The following SYNE1 variants were observed in gnomAD, a reference collection of about 807,000 sequenced individuals.
The protein encoded by SYNE1 is spectrin repeat containing nuclear envelope protein 1.
In SYNE1, 616 loss-of-function variants were observed where a neutral mutation model predicts 1,111.0. The ratio of observed to expected loss-of-function variants is 0.55; its 90% CI spans 0.52 to 0.59. The LOEUF (loss-of-function observed/expected upper bound fraction) is 0.59. SYNE1 is among the 20% of genes least tolerant of loss of function. SYNE1 has a pLI of 0.00. For missense variants in SYNE1, 10,006 were observed against 10,417.0 expected (o/e 0.96, Z 1.72); for synonymous variants, 3,855 against 3,825.8 (o/e 1.01, Z -0.28).
Position 152,156,059 on chromosome 6 carries a change from A to G in SYNE1, c.23829T>C (p.Val7943=). The change falls in exon 132 of 146, where the codon GTT becomes GTC. Residue 7943 remains valine, a synonymous_variant. Coordinates refer to ENST00000367255, the MANE Select transcript of SYNE1 (RefSeq NM_182961.4). The part of the protein sequence containing the change: ...QRDIEKHSTG[V]ASVLNLCEVL... Reference sequence around the variant, plus strand: ...CTTCACACAGGTTGAGGACAGATGCAACACCTGTACTGTGCTTCTCTATGT... The same window carrying G: ...CTTCACACAGGTTGAGGACAGATGCGACACCTGTACTGTGCTTCTCTATGT... 1 of 1,614,214 alleles carries G rather than the reference A, an allele frequency of 6.2e-7. No homozygotes were observed. The highest frequency in any genetic ancestry group is 1.3e-5 in the African/African-American group (1 of 75,066).
intron 3 of SYNE1, among the ~76,000 whole-genome samples, chr6:152,623,146 A>G (rs2099679198): frequency 6.6e-6 from 1 of 152,122 alleles, no homozygotes; most frequent in Non-Finnish European, 1.5e-5. Context: ...TGGTACAAAA[A>G]CAGACACATA....
chr6:152,282,043 A>G, intron 96 of SYNE1, 63 bp from the exon 97 acceptor site: 4 of 1,552,426 alleles, frequency 2.6e-6, no homozygotes, highest in Non-Finnish European at 2.6e-6. Context: ...AATTTAACAC[A>G]GTAAAGCAAT....
At chr6:152,427,334 C>T (rs1483692252) in intron 38 of SYNE1, among the ~76,000 whole-genome samples, 1 of 152,168 alleles carries the variant, frequency 6.6e-6, no homozygotes, top group Non-Finnish European at 1.5e-5. Flanking sequence ...GAGATTATAC[C>T]TATTTCCAGC....
At chr6:152,204,306 CA>C (rs2076082138) in intron 126 of SYNE1, among the ~76,000 whole-genome samples, 1 of 147,198 alleles carries the variant, frequency 6.8e-6, no homozygotes, top group Non-Finnish European at 1.5e-5. Flanking sequence ...GTGGAGGTTG[CA>C]ATTAGCCAAG....
chr6:152,283,767 C>G (rs1223362199), intron 96 of SYNE1, among the ~76,000 whole-genome samples: 1 of 152,114 alleles, frequency 6.6e-6, no homozygotes, highest in Non-Finnish European at 1.5e-5. Context: ...AAACTCCTGA[C>G]CTCGTGATTC....
At chr6:152,417,163 TCACAA>T in intron 40 of SYNE1, 148 bp from the exon 41 acceptor site, 2 of 1,220,426 alleles carry the variant, frequency 1.6e-6, no homozygotes, top group Non-Finnish European at 2.3e-6. Flanking sequence ...CTTAGAAAAT[TCACAA>T]AATTTTCTGT....
intron 18 of SYNE1, among the ~76,000 whole-genome samples, chr6:152,463,744 A>C (rs935965358): frequency 1.3e-5 from 2 of 152,206 alleles, no homozygotes; most frequent in Non-Finnish European, 2.9e-5. Context: ...TTTGCCGAAG[A>C]CAAAACAAAA....
At chr6:152,189,217 C>A (rs768150353) in intron 128 of SYNE1, 35 bp downstream of exon 128, 1 of 1,610,738 alleles carries the variant, frequency 6.2e-7, no homozygotes, top group Non-Finnish European at 8.5e-7. Context: ...AATTTTCCAT[C>A]ATCAAGATAA....
At chr6:152,526,047 T>A (rs755296256) in intron 5 of SYNE1, 33 bp downstream of exon 5, 11 of 1,595,544 alleles carry the variant, frequency 6.9e-6, no homozygotes, top group Non-Finnish European at 9.5e-6. Context: ...TGGAAACAAT[T>A]TGACAAGTAT....
intron 3 of SYNE1, among the ~76,000 whole-genome samples, chr6:152,607,671 T>A (rs1310722344): frequency 6.6e-6 from 1 of 152,106 alleles, no homozygotes; most frequent in Non-Finnish European, 1.5e-5. Flanking sequence ...GACCCAACAA[T>A]CCCATTACTG....
At position 152,221,432 on chromosome 6, in the gene SYNE1, T is replaced by C. The variant is rs1281391865; in HGVS notation, c.21650A>G (p.Asn7217Ser). 1.2e-6 allele frequency: 2 copies of C among 1,613,980 alleles called. No homozygotes were observed. Among genetic ancestry groups the C allele is most frequent in the Non-Finnish European group, 1.7e-6 (2 of 1,179,908 alleles). The change falls in exon 118 of 146, where the codon AAC (asparagine) becomes AGC (serine). Residue 7217 changes from asparagine (N) to serine (S), a missense_variant. Asn to Ser is a conservative substitution (Grantham distance 46). This residue lies in a region of SYNE1 where 2,182 missense variants were observed against 2,287.8 expected (regional missense o/e 0.95). Coordinates refer to ENST00000367255, the MANE Select transcript of SYNE1 (RefSeq NM_182961.4). ...ETLTNTLKEVNMRWNNLLEEI... is the reference protein window; with the variant it reads ...ETLTNTLKEVSMRWNNLLEEI... ...AAGTTAACATACTCCATACCTCATG[T>C]TGACTTCTTTCAGTGTATTGGTAAG... is the stretch of plus-strand genomic sequence containing the variant.
chr6:152,299,397 G>A (rs1048374030), intron 93 of SYNE1, among the ~76,000 whole-genome samples: 6 of 152,046 alleles, frequency 3.9e-5, no homozygotes, highest in Admixed American at 1.3e-4. Flanking sequence ...AATTCCCCAC[G>A]GCTCCCTGAA....
intron 40 of SYNE1, 25 bp downstream of exon 40, chr6:152,419,544 C>T (rs762398116): frequency 4.1e-6 from 6 of 1,450,042 alleles, no homozygotes; most frequent in Non-Finnish European, 5.6e-6. Flanking sequence ...CTTCTTCAAT[C>T]TTAAAAAAAA....
rs779781434 is a variant in SYNE1 at position 152,376,570 on chromosome 6, A to T, written c.9147-12T>A. On this transcript the variant is annotated splice_polypyrimidine_tract_variant and intron_variant, in intron 57 of 145. Transcript: ENST00000367255. ...CTTGCAAACAAAGACTGAAAAGGTG[A>T]CGCAAAAATTTAATGGCAGGAAAAA... The T allele has an allele frequency of 1.2e-6, 2 of 1,613,662 alleles. No individual in the cohort carries two copies. The highest frequency in any genetic ancestry group is 1.7e-6 in the Non-Finnish European group (2 of 1,179,996).
At chr6:152,167,282 A>C (rs1267281127) in intron 130 of SYNE1, among the ~76,000 whole-genome samples, 2 of 152,218 alleles carry the variant, frequency 1.3e-5, no homozygotes, top group Non-Finnish European at 2.9e-5. Context: ...ATGCTTATAT[A>C]TCTATATATA....
At chr6:152,605,006 A>AAGAGAG (rs1166561188) in intron 3 of SYNE1, among the ~76,000 whole-genome samples, 2 of 25,590 alleles carry the variant, frequency 7.8e-5, no homozygotes, top group South Asian at 2.5e-3. Context: ...GAAAGAAAGA[A>AAGAGAG]AGAGAGAGAG....
chr6:152,231,079 A>G (rs1278584795), intron 114 of SYNE1, among the ~76,000 whole-genome samples: 1 of 152,260 alleles, frequency 6.6e-6, no homozygotes, highest in East Asian at 1.9e-4. Flanking sequence ...AATGAATTTC[A>G]TAAAGTATGA....
At chr6:152,334,871 G>A (rs779845798) in intron 76 of SYNE1, among the ~76,000 whole-genome samples, 1 of 152,150 alleles carries the variant, frequency 6.6e-6, no homozygotes, top group African/African-American at 2.4e-5. Flanking sequence ...AGATGGAGTC[G>A]CTCTGGTTTG....
At chr6:152,430,733 G>T in intron 34 of SYNE1, 24 bp from the exon 35 acceptor site, 2 of 1,603,268 alleles carry the variant, frequency 1.2e-6, no homozygotes, top group South Asian at 2.2e-5. Context: ...CAAGAAAAAT[G>T]ACAATGTAGG....
Sources: gnomAD v4.1 joint callset for allele counts (sites outside exome capture counted in the v4.1 genomes callset) on GRCh38, gnomAD v4.1.1 for gene constraint, gnomAD v4.1.1 regional missense constraint, MANE v1.5 for transcripts, NCBI Gene and HGNC (gene_info 2026-07-23, HGNC 2026-07-21) for gene names.